IGF1R: variants seen among roughly 807,000 people sequenced by gnomAD.
IGF1R encodes insulin-like growth factor 1 receptor.
In IGF1R, 44 loss-of-function variants were observed where a neutral mutation model predicts 144.6. The observed-to-expected ratio is 0.30, with a 90% CI of 0.24 to 0.39. The LOEUF (loss-of-function observed/expected upper bound fraction) is 0.39. Among genes scored for constraint, IGF1R ranks in the 10% least tolerant of loss-of-function variants. The probability of loss-of-function intolerance (pLI) is 1.00; values close to 1 mark genes in which losing one functional copy is unlikely to be tolerated. For missense variants in IGF1R, 1,355 were observed against 1,833.7 expected (o/e 0.74, Z 4.77); for synonymous variants, 795 against 722.8 (o/e 1.10, Z -1.60).
intron 2 of IGF1R, among the ~76,000 whole-genome samples, chr15:98,772,636 G>T (rs1180940686): frequency 1.3e-5 from 2 of 151,252 alleles, no homozygotes; most frequent in African/African-American, 2.4e-5. Flanking sequence ...AGCTAGAACT[G>T]TATATGTACA....
At chr15:98,699,573 T>G (rs994105913) in intron 1 of IGF1R, among the ~76,000 whole-genome samples, 1 of 152,200 alleles carries the variant, frequency 6.6e-6, no homozygotes, top group Admixed American at 6.5e-5. Flanking sequence ...GCACCAATTC[T>G]GCGCCAGTCT....
At chr15:98,823,014 T>G (rs2056829794) in intron 2 of IGF1R, among the ~76,000 whole-genome samples, 1 of 152,216 alleles carries the variant, frequency 6.6e-6, no homozygotes, top group South Asian at 2.1e-4. Context: ...TCCATCAGTT[T>G]TAACTTACTC....
At chr15:98,953,419 C>G (rs1374359759) in intron 20 of IGF1R, among the ~76,000 whole-genome samples, 3 of 152,092 alleles carry the variant, frequency 2.0e-5, no homozygotes, top group Non-Finnish European at 4.4e-5. Context: ...GATGACAAAG[C>G]CCGTCCTCAG....
intron 2 of IGF1R, among the ~76,000 whole-genome samples, chr15:98,846,448 T>TG (rs569201913): frequency 1.1e-3 from 171 of 152,364 alleles, no homozygotes; most frequent in Non-Finnish European, 2.0e-3. Flanking sequence ...GTCTTTACTT[T>TG]GGGGCCTGTA....
chr15:98,715,110 G>T (rs2054083111), intron 2 of IGF1R, among the ~76,000 whole-genome samples: 1 of 152,130 alleles, frequency 6.6e-6, no homozygotes, highest in African/African-American at 2.4e-5. Context: ...TTTAGAAGGG[G>T]GTCACATGCC....
rs1173073572 is a variant in IGF1R at position 98,753,380 on chromosome 15, CTTT to C, written c.640+45295_640+45297del. The stretch of plus-strand genomic sequence containing the variant: ...CACAAGTATGCACCACCATACCTGG[CTTT>C]TTTTTTTTTTTTTTTTTTTTTGTAT... On this transcript the variant is annotated intron_variant, in intron 2 of 20. Coordinates refer to ENST00000650285, the MANE Select transcript of IGF1R (RefSeq NM_000875.5). Among the ~76,000 whole-genome samples, 197 of 60,260 alleles carry C rather than the reference CTTT, an allele frequency of 3.3e-3. 1 individual carries two copies. The highest frequency in any genetic ancestry group is 0.013 in the African/African-American group (188 of 14,610). 39.5% of individuals were successfully genotyped at this position (60,260 alleles called of 152,430 possible). A position where few individuals can be genotyped will look rare whatever the true frequency, so the allele number is the denominator to read the frequency against.
intron 15 of IGF1R, among the ~76,000 whole-genome samples, chr15:98,933,693 C>G (rs1343708396): frequency 6.6e-6 from 1 of 152,180 alleles, no homozygotes; most frequent in East Asian, 1.9e-4. Flanking sequence ...CCTATTCAGG[C>G]TTGGTATCTA....
chr15:98,820,727 C>G (rs1014170169), intron 2 of IGF1R: 1 of 152,138 alleles, frequency 6.6e-6, no homozygotes. Flanking sequence ...GCATATAAAA[C>G]AAAAAGATTC....
chr15:98,648,893 C>G lies in IGF1R; in HGVS notation c.-689C>G, dbSNP rs1057295949. On this transcript the variant is annotated 5_prime_UTR_variant, in exon 1 of 21. Transcript: ENST00000650285. ...GCGGGGGCCGGCGCGGGGCGGGCGG[C>G]GGCGCAGAGCCGGGCGGCGCGGCGG... 6.8e-6 allele frequency: 1 copy of G among 147,168 alleles called. No homozygotes were observed. Among genetic ancestry groups the G allele is most frequent in the African/African-American group, 2.5e-5 (1 of 40,290 alleles). The allele number at this position is 147,168 out of a possible 1,614,324, so 9.1% of individuals were successfully genotyped here. A position where few individuals can be genotyped will look rare whatever the true frequency, so the allele number is the denominator to read the frequency against.
At chr15:98,652,210 T>G (rs1326014267) in intron 1 of IGF1R, among the ~76,000 whole-genome samples, 1 of 152,252 alleles carries the variant, frequency 6.6e-6, no homozygotes, top group Non-Finnish European at 1.5e-5. Context: ...AGCATCTAAA[T>G]GAAGGCGGTT....
chr15:98,691,218 A>G (rs756865110), intron 1 of IGF1R, among the ~76,000 whole-genome samples: 8 of 152,050 alleles, frequency 5.3e-5, no homozygotes, highest in Non-Finnish European at 8.8e-5. Flanking sequence ...ATCACAGCAC[A>G]TTACATTTAG....
intron 14 of IGF1R, among the ~76,000 whole-genome samples, chr15:98,929,945 A>T (rs2040324021): frequency 6.6e-6 from 1 of 152,214 alleles, no homozygotes; most frequent in Admixed American, 6.5e-5. Context: ...TAGCCTTCCC[A>T]ATCAAATAAG....
At chr15:98,795,563 C>T (rs752470339) in intron 2 of IGF1R, among the ~76,000 whole-genome samples, 4 of 152,064 alleles carry the variant, frequency 2.6e-5, no homozygotes, top group Admixed American at 1.3e-4. Flanking sequence ...TGCAGGCACC[C>T]GCAACCACCC....
chr15:98,773,778 G>A (rs565306601), intron 2 of IGF1R, among the ~76,000 whole-genome samples: 47 of 152,294 alleles, frequency 3.1e-4, no homozygotes, highest in African/African-American at 1.1e-3. Flanking sequence ...CTGGGAAGCA[G>A]TGCTCTCTCT....
intron 2 of IGF1R, among the ~76,000 whole-genome samples, chr15:98,848,807 C>T (rs1233009157): frequency 2.6e-5 from 4 of 152,158 alleles, no homozygotes; most frequent in Non-Finnish European, 4.4e-5. Flanking sequence ...TATCATCATA[C>T]AACTGTACAA....
intron 2 of IGF1R, among the ~76,000 whole-genome samples, chr15:98,852,983 T>C (rs1332694609): frequency 6.6e-6 from 1 of 152,242 alleles, no homozygotes; most frequent in East Asian, 1.9e-4. Flanking sequence ...TACCATTTTC[T>C]ACAAATGCCG....
chr15:98,693,971 A>G (rs527384885), intron 1 of IGF1R, among the ~76,000 whole-genome samples: 11 of 152,290 alleles, frequency 7.2e-5, no homozygotes, highest in African/African-American at 1.9e-4. Context: ...TACTTGTGCT[A>G]TCCTAAAGAG....
At chr15:98,818,923 G>T (rs2056751507) in intron 2 of IGF1R, among the ~76,000 whole-genome samples, 2 of 152,178 alleles carry the variant, frequency 1.3e-5, no homozygotes, top group Non-Finnish European at 2.9e-5. Context: ...TAGCCTGAAG[G>T]GAATGGAGAC....
At chr15:98,764,569 A>G (rs2055389286) in intron 2 of IGF1R, among the ~76,000 whole-genome samples, 1 of 152,214 alleles carries the variant, frequency 6.6e-6, no homozygotes, top group Non-Finnish European at 1.5e-5. Context: ...AGGACATTTT[A>G]TAAGTACTGT....
Sources: gnomAD v4.1 joint callset for allele counts (sites outside exome capture counted in the v4.1 genomes callset) on GRCh38, gnomAD v4.1.1 for gene constraint, MANE v1.5 for transcripts, NCBI Gene and HGNC (gene_info 2026-07-23, HGNC 2026-07-21) for gene names.